Variants in SLC1A2 observed in about 807,000 individuals in gnomAD.
SLC1A2 encodes the protein solute carrier family 1 member 2, also known as excitatory amino acid transporter 2.
In SLC1A2, 15 loss-of-function variants were observed where a neutral mutation model predicts 48.8. That is an observed-to-expected ratio of 0.31 (90% confidence interval 0.21 to 0.47). The LOEUF (loss-of-function observed/expected upper bound fraction) is 0.47. Among genes scored for constraint, SLC1A2 ranks in the 20% least tolerant of loss-of-function variants. SLC1A2 has a pLI of 0.99. For missense variants in SLC1A2, 502 were observed against 730.5 expected (o/e 0.69, Z 3.61); for synonymous variants, 279 against 272.6 (o/e 1.02, Z -0.23).
chr11:35,383,042 T>C (rs1854481810), intron 1 of SLC1A2, among the ~76,000 whole-genome samples: 1 of 152,202 alleles, frequency 6.6e-6, no homozygotes, highest in South Asian at 2.1e-4. Flanking sequence ...ACAACAGTGT[T>C]ATGACAGAGG....
At chr11:35,392,568 A>G (rs181556502) in intron 1 of SLC1A2, among the ~76,000 whole-genome samples, 3 of 152,252 alleles carry the variant, frequency 2.0e-5, no homozygotes, top group Non-Finnish European at 4.4e-5. Context: ...TTCATACTCC[A>G]TCTTGCCAGA....
chr11:35,285,078 C>T (rs1189330142), intron 8 of SLC1A2, among the ~76,000 whole-genome samples: 3 of 152,320 alleles, frequency 2.0e-5, no homozygotes, highest in Non-Finnish European at 4.4e-5. Flanking sequence ...AGGCTAGTGC[C>T]TTAGCCTGAA....
intron 1 of SLC1A2, among the ~76,000 whole-genome samples, chr11:35,336,853 A>G (rs115978615): frequency 0.025 from 3,878 of 152,256 alleles, 152 homozygotes; most frequent in African/African-American, 0.088. Flanking sequence ...TTTACTCTTT[A>G]GCCCTTTACA....
chr11:35,400,654 C>T (rs2135270120), intron 1 of SLC1A2, among the ~76,000 whole-genome samples: 1 of 152,232 alleles, frequency 6.6e-6, no homozygotes, highest in East Asian at 1.9e-4. Context: ...ATAGGTATAT[C>T]CATGAAAAAT....
chr11:35,403,137 T>C (rs143598097), intron 1 of SLC1A2, among the ~76,000 whole-genome samples: 99 of 152,364 alleles, frequency 6.5e-4, no homozygotes, highest in African/African-American at 2.2e-3. Context: ...CCAGGCACTA[T>C]GCCGAACGCT....
rs539650581 is a variant in SLC1A2, at chr11:35,419,097, C to T, written c.-131G>A. 117 of 736,210 alleles carry T rather than the reference C, an allele frequency of 1.6e-4. No individual in the cohort carries two copies. The highest frequency in any genetic ancestry group is 1.1e-3 in the Admixed American group (37 of 33,436). The allele number at this position is 736,210 out of a possible 1,614,324, so 45.6% of individuals were successfully genotyped here. ...GAGGAGCCTCTGCCCGCCCTTCCAC[C>T]CGCCTCCGGGGTAAGCCCTTTAGCG... On this transcript the variant is annotated 5_prime_UTR_variant, in exon 1 of 11. Coordinates refer to ENST00000278379, the MANE Select transcript of SLC1A2 (RefSeq NM_004171.4). The surrounding 1 kb of genome is among the most constrained non-coding windows in gnomAD (Gnocchi z 5.4).
At chr11:35,362,515 C>T (rs1853716220) in intron 1 of SLC1A2, among the ~76,000 whole-genome samples, 1 of 152,136 alleles carries the variant, frequency 6.6e-6, no homozygotes, top group South Asian at 2.1e-4. Flanking sequence ...ATCTGTGAAC[C>T]TCAAATACTT....
chr11:35,290,302 A>G (rs1416086073), intron 7 of SLC1A2, among the ~76,000 whole-genome samples: 1 of 152,164 alleles, frequency 6.6e-6, no homozygotes, highest in Admixed American at 6.5e-5. Flanking sequence ...TGCCTTAAAT[A>G]TACATCACTG....
chr11:35,260,540 C>A lies in SLC1A2; in HGVS notation c.*354G>T. On this transcript the variant is annotated 3_prime_UTR_variant, in exon 11 of 11. Coordinates refer to ENST00000278379, the MANE Select transcript of SLC1A2 (RefSeq NM_004171.4). ...ATTTTCCCAAGTCCCTGGAGTGTAC[C>A]ACACTGCTTTACTCATGTCCCCTGG... 3.8e-6 allele frequency: 1 copy of A among 265,334 alleles called. No homozygotes were observed. 16.4% of individuals were successfully genotyped at this position (265,334 alleles called of 1,614,324 possible).
intron 1 of SLC1A2, among the ~76,000 whole-genome samples, chr11:35,339,222 A>T (rs3911898): frequency 0.22 from 33,476 of 151,980 alleles, 3,757 homozygotes; most frequent in Middle Eastern, 0.28. Flanking sequence ...CTGTTGGGAT[A>T]TTTAGTCATT....
Position 35,311,897 on chromosome 11 carries a change from G to GGAGAGAGAGAGAGAGAGAGAGAGA in SLC1A2, c.561+277_561+300dup, listed in dbSNP as rs1213084635. Among the ~76,000 whole-genome samples, 2 of 25,722 alleles carry GGAGAGAGAGAGAGAGAGAGAGAGA rather than the reference G, an allele frequency of 7.8e-5. 1 individual carries two copies. Among genetic ancestry groups the GGAGAGAGAGAGAGAGAGAGAGAGA allele is most frequent in the Non-Finnish European group, 1.4e-4 (2 of 14,504 alleles). 16.9% of individuals were successfully genotyped at this position (25,722 alleles called of 152,430 possible). Reference sequence around the variant, plus strand: ...GAGAGAGAGAGAGAGAGAGAGGGAGGGAGAGAGAGAGAGAGAGAGAGAGAG... The same window carrying GGAGAGAGAGAGAGAGAGAGAGAGA: ...GAGAGAGAGAGAGAGAGAGAGGGAGGGAGAGAGAGAGAGAGAGAGAGAGAGAGAGAGAGAGAGAGAGAGAGAGAG... On this transcript the variant is annotated intron_variant, in intron 4 of 10. Coordinates refer to ENST00000278379, the MANE Select transcript of SLC1A2 (RefSeq NM_004171.4).
intron 1 of SLC1A2, chr11:35,322,902 C>T: frequency 1.6e-6 from 1 of 616,692 alleles, no homozygotes; most frequent in South Asian, 1.9e-5. Context: ...GACTTTCTGG[C>T]ATTTCCAACA....
rs547086542 is a variant in SLC1A2, at chr11:35,385,903, C to A, written c.17+33047G>T. On this transcript the variant is annotated intron_variant, in intron 1 of 10. Transcript: ENST00000278379. ...TGACAGTTGGCCCGGCGCGGTGGCTCAAGCCTGTAATCCCAGCACTTTAGG... is the reference window on the plus strand; with the variant it reads ...TGACAGTTGGCCCGGCGCGGTGGCTAAAGCCTGTAATCCCAGCACTTTAGG... 2.4e-3 allele frequency among the ~76,000 whole-genome samples: 369 copies of A among 152,310 alleles called. 1 individual carries two copies. Among genetic ancestry groups the A allele is most frequent in the African/African-American group, 8.5e-3 (353 of 41,574 alleles).
At position 35,283,379 on chromosome 11, in the gene SLC1A2, A is replaced by G. The variant is rs7129399; in HGVS notation, c.1287-2378T>C. On this transcript the variant is annotated intron_variant, in intron 8 of 10. Coordinates refer to ENST00000278379, the MANE Select transcript of SLC1A2 (RefSeq NM_004171.4). ...CAAACAAACTGCAGGCATGAAGTAT[A>G]TACACCCGTGGTGGGTGCCCCAGAG... Among the ~76,000 whole-genome samples, 301 of 152,374 alleles carry G rather than the reference A, an allele frequency of 2.0e-3. 2 individuals are homozygous for G. The highest frequency in any genetic ancestry group is 6.5e-3 in the African/African-American group (272 of 41,592).
chr11:35,415,261 T>A (rs1208381166), intron 1 of SLC1A2, among the ~76,000 whole-genome samples: 2 of 152,262 alleles, frequency 1.3e-5, no homozygotes, highest in African/African-American at 4.8e-5. Flanking sequence ...TTGATACTGA[T>A]GAACAGATTT....
At chr11:35,284,739 T>C (rs112971978) in intron 8 of SLC1A2, among the ~76,000 whole-genome samples, 32 of 152,276 alleles carry the variant, frequency 2.1e-4, no homozygotes, top group African/African-American at 6.3e-4. Flanking sequence ...CAGAGCTAGA[T>C]AGATCAAGCA....
At chr11:35,382,335 T>C (rs1252762113) in intron 1 of SLC1A2, among the ~76,000 whole-genome samples, 1 of 152,272 alleles carries the variant, frequency 6.6e-6, no homozygotes, top group Admixed American at 6.5e-5. Flanking sequence ...CCTGATCCTC[T>C]TGTGTTTGAT....
intron 1 of SLC1A2, among the ~76,000 whole-genome samples, chr11:35,341,415 A>C (rs892083914): frequency 6.6e-6 from 1 of 152,254 alleles, no homozygotes; most frequent in Non-Finnish European, 1.5e-5. Context: ...CGTATTCACG[A>C]AAATGTTTAA....
intron 1 of SLC1A2, among the ~76,000 whole-genome samples, chr11:35,365,988 T>G (rs943763953): frequency 6.6e-6 from 1 of 152,174 alleles, no homozygotes. Context: ...CATGCTATAA[T>G]GCATAAAACA....
Sources: gnomAD v4.1 joint callset for allele counts (sites outside exome capture counted in the v4.1 genomes callset) on GRCh38, gnomAD v4.1.1 for gene constraint, Gnocchi (gnomAD v3.1) non-coding constraint, MANE v1.5 for transcripts, NCBI Gene and HGNC (gene_info 2026-07-23, HGNC 2026-07-21) for gene names.